KRABD3: variants seen among roughly 807,000 people sequenced by gnomAD.
KRABD3 encodes KRAB domain-containing protein 3.
chr7:149,733,900 T>A, the KRABD3 span: 1 of 1,591,178 alleles, frequency 6.3e-7, no homozygotes, highest in Non-Finnish European at 8.5e-7. Context: ...CCAGTGCAGA[T>A]GCAGACGTGC....
the KRABD3 span, chr7:149,734,021 A>G: frequency 1.2e-6 from 2 of 1,608,924 alleles, no homozygotes; most frequent in African/African-American, 2.7e-5. Flanking sequence ...TGGGGAGCAC[A>G]GGGACCCGAG....
chr7:149,722,353 A>G, the KRABD3 span: 1 of 1,556,790 alleles, frequency 6.4e-7, no homozygotes, highest in Non-Finnish European at 8.7e-7. Context: ...TATGGGAACC[A>G]GATCTGGTGT....
the KRABD3 span, chr7:149,730,556 G>A: frequency 9.5e-5 from 153 of 1,611,758 alleles, 4 homozygotes; most frequent in South Asian, 2.4e-4. Context: ...GTACTGCAGC[G>A]GCCTCGGTGC....
At chr7:149,719,611 G>A in the KRABD3 span, 178 of 1,607,570 alleles carry the variant, frequency 1.1e-4, 1 homozygote, top group Admixed American at 1.5e-4. This position sits in a 1 kb window ranked among gnomAD's most constrained non-coding sequence, Gnocchi z 5.6. Context: ...TCCTGGAGGA[G>A]GGGCAGAGGG....
chr7:149,731,542 A>G, the KRABD3 span: 3 of 785,556 alleles, frequency 3.8e-6, no homozygotes, highest in African/African-American at 3.4e-5. Context: ...TCATGGGCCA[A>G]GTTTCCGTCT....
the KRABD3 span, among the ~76,000 whole-genome samples, chr7:149,731,436 C>T: frequency 6.6e-6 from 1 of 152,190 alleles, no homozygotes; most frequent in Admixed American, 6.5e-5. Flanking sequence ...AGCTGCCTCC[C>T]CAGCCGCCTC....
chr7:149,733,912 G>T, the KRABD3 span: 15 of 1,592,430 alleles, frequency 9.4e-6, no homozygotes, highest in Non-Finnish European at 1.3e-5. Context: ...CAGACGTGCC[G>T]ACCTCAGGAG....
chr7:149,720,125 A>C, the KRABD3 span: 1 of 1,551,496 alleles, frequency 6.4e-7, no homozygotes, highest in Non-Finnish European at 8.7e-7. Flanking sequence ...GGAGATCCCC[A>C]GGGTAAGTTA....
the KRABD3 span, chr7:149,734,204 C>T: frequency 9.7e-7 from 1 of 1,030,192 alleles, no homozygotes; most frequent in Non-Finnish European, 1.4e-6. Context: ...GGTAGAGCCC[C>T]CAGGTGCTGT....
the KRABD3 span, among the ~76,000 whole-genome samples, chr7:149,716,614 T>C: frequency 6.6e-6 from 1 of 152,212 alleles, no homozygotes; most frequent in Non-Finnish European, 1.5e-5. Context: ...TTCTAAGAAT[T>C]TTATCACAAA....
chr7:149,724,011 G>A, the KRABD3 span: 1 of 1,051,994 alleles, frequency 9.5e-7, no homozygotes, highest in African/African-American at 1.6e-5. Flanking sequence ...GTCGGGAAGA[G>A]GATCCGGATG....
chr7:149,723,746 C>A, the KRABD3 span: 3 of 1,612,446 alleles, frequency 1.9e-6, no homozygotes, highest in African/African-American at 2.7e-5. Flanking sequence ...AAGACCGAGG[C>A]GGTTTCAGGG....
chr7:149,715,427 A>C, the KRABD3 span: 2 of 926,952 alleles, frequency 2.2e-6, no homozygotes, highest in Non-Finnish European at 2.6e-6. Flanking sequence ...GGGAGAAACA[A>C]AGATAGAACA....
chr7:149,722,977 C>A, the KRABD3 span: 2 of 1,529,862 alleles, frequency 1.3e-6, no homozygotes, highest in South Asian at 1.2e-5. Context: ...GGGCCTCAGG[C>A]TGAGGTCTCT....
At chr7:149,715,365 ACTT>A in the KRABD3 span, 1 of 1,173,346 alleles carries the variant, frequency 8.5e-7, no homozygotes, top group Non-Finnish European at 1.1e-6. Flanking sequence ...TAAATCTCAT[ACTT>A]CTGTTCTTGG....
the KRABD3 span, chr7:149,719,527 C>G: frequency 1.9e-6 from 3 of 1,549,970 alleles, no homozygotes; most frequent in South Asian, 2.4e-5. The surrounding 1 kb of genome is among the most constrained non-coding windows in gnomAD (Gnocchi z 5.6). Context: ...ACCAACCCCC[C>G]CGGAGACTGT....
chr7:149,722,762 C>A, the KRABD3 span: 1 of 1,585,316 alleles, frequency 6.3e-7, no homozygotes, highest in Admixed American at 1.8e-5. Context: ...CTGACCCAGG[C>A]CCACCTTGCA....
At chr7:149,729,095 C>T in the KRABD3 span, 1 of 1,030,716 alleles carries the variant, frequency 9.7e-7, no homozygotes, top group Non-Finnish European at 1.3e-6. Flanking sequence ...GCCTGAGAGC[C>T]CAGCAATGGC....
the KRABD3 span, among the ~76,000 whole-genome samples, chr7:149,716,164 G>A: frequency 6.6e-6 from 1 of 152,188 alleles, no homozygotes; most frequent in Non-Finnish European, 1.5e-5. Context: ...CAGGGAGCCC[G>A]AGCCTGAGGC....
Sources: allele counts gnomAD v4.1 joint callset (sites outside exome capture counted in the v4.1 genomes callset), GRCh38; gene constraint gnomAD v4.1.1; non-coding constraint Gnocchi (gnomAD v3.1); transcripts MANE v1.5; gene names NCBI Gene and HGNC (gene_info 2026-07-23, HGNC 2026-07-21).